HOXC4: variants seen among roughly 807,000 people sequenced by gnomAD.
The protein encoded by HOXC4 is homeobox protein Hox-C4.
HOXC4 carries 15 observed loss-of-function variants against 25.5 expected under a neutral mutation model. That is an observed-to-expected ratio of 0.59 (90% CI 0.39 to 0.91). HOXC4 has a LOEUF of 0.91. Among genes scored for constraint, HOXC4 ranks in the 40% least tolerant of loss-of-function variants. The probability of loss-of-function intolerance (pLI) is 0.00; values close to 1 mark genes in which losing one functional copy is unlikely to be tolerated. For synonymous variants in HOXC4, 165 were observed against 148.0 expected (o/e 1.11, Z -0.83); for missense variants, 342 against 352.4 (o/e 0.97, Z 0.24).
At chr12:54,036,391 T>TG (rs1458563107) in intron 1 of HOXC4, among the ~76,000 whole-genome samples, 8 of 152,054 alleles carry the variant, frequency 5.3e-5, no homozygotes. Context: ...AGAGGGGCTC[T>TG]GGGGAGGGGC....
At chr12:54,049,887 A>G (rs1937806264), upstream of HOXC4, among the ~76,000 whole-genome samples, 1 of 152,084 alleles carries the variant, frequency 6.6e-6, no homozygotes, top group African/African-American at 2.4e-5. Context: ...GAATTGCCTG[A>G]TTGCATACCA....
upstream of HOXC4, among the ~76,000 whole-genome samples, chr12:54,049,907 CA>C (rs1388576272): frequency 2.6e-5 from 4 of 151,940 alleles, no homozygotes; most frequent in African/African-American, 9.7e-5. Context: ...ATCTAAAATT[CA>C]ATTTATATGA....
chr12:54,025,537 G>T (rs908257160), intron 1 of HOXC4, among the ~76,000 whole-genome samples: 2 of 53,428 alleles, frequency 3.7e-5, no homozygotes, highest in Admixed American at 1.8e-4. Flanking sequence ...TGGGGGGGGG[G>T]GAGGTGTTGA....
At chr12:54,038,959 C>G (rs897384571) in intron 1 of HOXC4, among the ~76,000 whole-genome samples, 1 of 152,170 alleles carries the variant, frequency 6.6e-6, no homozygotes, top group African/African-American at 2.4e-5. Flanking sequence ...TAGGAAGGAG[C>G]AGCAGAAGCG....
At chr12:54,032,888 C>T (rs1019749862) in intron 1 of HOXC4, 8 of 365,694 alleles carry the variant, frequency 2.2e-5, no homozygotes, top group African/African-American at 6.3e-5. Context: ...ATGCTTTTCG[C>T]CGGCTTCCAT....
chr12:54,024,491 A>C (rs1308587772), intron 1 of HOXC4, among the ~76,000 whole-genome samples: 1 of 152,246 alleles, frequency 6.6e-6, no homozygotes, highest in Non-Finnish European at 1.5e-5. Flanking sequence ...CAGGGAGAAC[A>C]CAACTAAGGA....
chr12:54,028,291 T>G, intron 1 of HOXC4: 1 of 361,810 alleles, frequency 2.8e-6, no homozygotes, highest in Non-Finnish European at 5.0e-6. Context: ...ATCCAAGTCT[T>G]ACTTTCAAAG....
intron 1 of HOXC4, among the ~76,000 whole-genome samples, chr12:54,026,394 G>A (rs1712622129): frequency 1.3e-5 from 2 of 152,234 alleles, no homozygotes; most frequent in Non-Finnish European, 2.9e-5. Context: ...AGGGCAAAAA[G>A]CAACTCACAT....
chr12:54,037,056 C>T (rs1941197153), intron 1 of HOXC4, among the ~76,000 whole-genome samples: 1 of 152,230 alleles, frequency 6.6e-6, no homozygotes, highest in Admixed American at 6.5e-5. Flanking sequence ...AGGTCTGACT[C>T]ATTTTGGCTT....
Position 54,033,407 on chromosome 12 carries a change from C to T in HOXC4, c.-124+15993C>T, listed in dbSNP as rs1373730250. On this transcript the variant is annotated intron_variant, in intron 1 of 3. Coordinates refer to the HOXC4 transcript ENST00000303406. Reference sequence around the variant, plus strand: ...GCAGAGACGAAGCGGCTCCTCTGAACCCCGGGATGTACAGTCAGAAGGCGG... The same window carrying T: ...GCAGAGACGAAGCGGCTCCTCTGAATCCCGGGATGTACAGTCAGAAGGCGG... The T allele has an allele frequency of 2.5e-6, 4 of 1,610,904 alleles. No homozygotes were observed. The Admixed American group carries it at 6.7e-5, about 27-fold the overall frequency.
At chr12:54,033,119 C>T (rs373282368) in intron 1 of HOXC4, 10 of 1,595,722 alleles carry the variant, frequency 6.3e-6, no homozygotes, top group Non-Finnish European at 8.6e-6. Flanking sequence ...GGGCCCTCCC[C>T]GCCATGAGCT....
intron 1 of HOXC4, chr12:54,030,662 G>A (rs933865632): frequency 1.3e-5 from 2 of 152,552 alleles, no homozygotes; most frequent in East Asian, 1.9e-4. Context: ...AAAAAAGAGG[G>A]AAAATTACAA....
chr12:54,054,271 T>G lies in HOXC4; in HGVS notation c.349T>G (p.Cys117Gly). The G allele has an allele frequency of 6.6e-7, 1 of 1,511,764 alleles. No homozygotes were observed. The highest frequency in any genetic ancestry group is 9.0e-7 in the Non-Finnish European group (1 of 1,111,814). 93.6% of individuals were successfully genotyped at this position (1,511,764 alleles called of 1,614,324 possible). A position where few individuals can be genotyped will look rare whatever the true frequency, so the allele number is the denominator to read the frequency against. ...CTCCCCGTCCCCAGCCCCGCCAGCC[T>G]GCAGCCAGCCAGCCCCCGACCATCC... Reference protein sequence around the residue: ...SASPSPAPPACSQPAPDHPSS... With the variant: ...SASPSPAPPAGSQPAPDHPSS... Residue 117 changes from cysteine to glycine, a missense_variant, in exon 1 of 2, where the codon TGC becomes GGC. By Grantham distance (159) the Cys-to-Gly change is radical. Transcript: ENST00000430889.
upstream of HOXC4, among the ~76,000 whole-genome samples, chr12:54,051,359 C>G (rs1356064662): frequency 6.6e-6 from 1 of 152,100 alleles, no homozygotes; most frequent in Admixed American, 6.5e-5. Context: ...TACTAGGATT[C>G]AGCACTGGTT....
At chr12:54,032,795 CTT>C (rs113659413) in intron 1 of HOXC4, 7 of 157,112 alleles carry the variant, frequency 4.5e-5, no homozygotes, top group South Asian at 1.9e-4. Context: ...TTCCAAGAAC[CTT>C]TTTTTTTTTT....
chr12:54,052,240 C>G (rs1937862381), upstream of HOXC4, among the ~76,000 whole-genome samples: 1 of 152,192 alleles, frequency 6.6e-6, no homozygotes, highest in Non-Finnish European at 1.5e-5. Flanking sequence ...GCCGCCGACA[C>G]AAAGAGTGCG....
chr12:54,024,310 C>T (rs1222030565), intron 1 of HOXC4, among the ~76,000 whole-genome samples: 1 of 152,172 alleles, frequency 6.6e-6, no homozygotes, highest in Non-Finnish European at 1.5e-5. Context: ...GGCGCTGAGG[C>T]TGAGCACTGA....
chr12:54,047,430 G>A (rs1937742701), intron 1 of HOXC4, among the ~76,000 whole-genome samples: 1 of 152,210 alleles, frequency 6.6e-6, no homozygotes, highest in Non-Finnish European at 1.5e-5. Flanking sequence ...GCCGAAGCCC[G>A]CCCCGGACCC....
intron 1 of HOXC4, among the ~76,000 whole-genome samples, chr12:54,041,977 C>CTTT (rs796328359): frequency 9.4e-5 from 11 of 116,698 alleles, no homozygotes; most frequent in Non-Finnish European, 1.2e-4. Context: ...CTTTTCTTTT[C>CTTT]TTTTTTTTTT....
Sources: allele counts gnomAD v4.1 joint callset (sites outside exome capture counted in the v4.1 genomes callset), GRCh38; gene constraint gnomAD v4.1.1; transcripts MANE v1.5; gene names NCBI Gene and HGNC (gene_info 2026-07-23, HGNC 2026-07-21).